The following CSN3 variants were observed in gnomAD, a reference collection of about 807,000 sequenced individuals.
CSN3 encodes casein kappa.
In CSN3, 7 loss-of-function variants were observed where a neutral mutation model predicts 9.9. That is an observed-to-expected ratio of 0.71 (90% CI 0.40 to 1.33). CSN3 has a LOEUF of 1.33. Among genes scored for constraint, CSN3 ranks in the 40% most tolerant of loss-of-function variants. CSN3 has a pLI of 0.01. For synonymous variants in CSN3, 88 were observed against 82.3 expected, an observed-to-expected ratio of 1.07 and a Z score of -0.37; for missense variants, 253 against 227.9, an observed-to-expected ratio of 1.11 and a Z score of -0.71.
intron 4 of CSN3, 60 bp downstream of exon 4, chr4:70,249,553 A>T (rs1235977690): frequency 2.0e-6 from 2 of 983,834 alleles, no homozygotes; most frequent in African/African-American, 3.3e-5. Context: ...TATGAATACA[A>T]CCATAAATTC....
rs1341427109 is a variant in CSN3, at chr4:70,247,222, G to C, written c.55-596G>C. Among the ~76,000 whole-genome samples the C allele has an allele frequency of 1.3e-5, 2 of 151,906 alleles. 1 individual carries two copies. The highest frequency in any genetic ancestry group is 3.9e-4 in the East Asian group (2 of 5,188). On this transcript the variant is annotated intron_variant, in intron 2 of 4. Coordinates refer to ENST00000304954, the Ensembl canonical transcript of CSN3. ...GTTTCTAAAAGCTTTGGAGTTTTTA[G>C]TTTTATAAATATGTGTCCATAAAAA...
At chr4:70,242,527 G>C (rs1334302050), upstream of CSN3, 4 of 149,326 alleles carry the variant, frequency 2.7e-5, no homozygotes, top group Non-Finnish European at 5.9e-5. Flanking sequence ...TGGGTAAAAA[G>C]TAGGAGGGAA....
intron 2 of CSN3, among the ~76,000 whole-genome samples, chr4:70,246,712 C>T (rs1445075145): frequency 6.9e-6 from 1 of 144,850 alleles, no homozygotes; most frequent in African/African-American, 2.5e-5. Flanking sequence ...CGCTTGGTCG[C>T]CCAGGTTGGA....
intron 3 of CSN3, 41 bp from the exon 4 acceptor site, chr4:70,248,957 T>C: frequency 7.2e-7 from 1 of 1,393,732 alleles, no homozygotes; most frequent in African/African-American, 1.5e-5. Context: ...CACATTTGGG[T>C]CTATAATAAT....
intron 2 of CSN3, among the ~76,000 whole-genome samples, 182 bp from the exon 3 acceptor site, chr4:70,247,636 T>TTG (rs1730405840): frequency 6.6e-6 from 1 of 152,164 alleles, no homozygotes; most frequent in Admixed American, 6.5e-5. Flanking sequence ...TACTAATCAG[T>TTG]TAGACTACTG....
chr4:70,240,289 C>A (rs1730247854), upstream of CSN3, among the ~76,000 whole-genome samples: 2 of 151,938 alleles, frequency 1.3e-5, no homozygotes, highest in African/African-American at 4.8e-5. Context: ...CCACAATAGC[C>A]TCTTACCCAG....
chr4:70,246,105 C>G (rs551427078), intron 2 of CSN3, among the ~76,000 whole-genome samples: 2 of 152,046 alleles, frequency 1.3e-5, no homozygotes, highest in Non-Finnish European at 1.5e-5. Context: ...ACCATTCAAT[C>G]TTATGAGTAG....
Position 70,249,501 on chromosome 4 carries a change from A to C in CSN3, c.*34+8A>C. On this transcript the variant is annotated splice_region_variant and intron_variant, in intron 4 of 4. Coordinates refer to ENST00000304954, the Ensembl canonical transcript of CSN3. The stretch of plus-strand genomic sequence containing the variant: ...TCAAAGAACACAACGCAGGTAAATT[A>C]ACAGTATATAAAATGAGTAATTCCG... The C allele has an allele frequency of 6.8e-7, 1 of 1,463,648 alleles. No individual in the cohort carries two copies. Among genetic ancestry groups the C allele is most frequent in the Non-Finnish European group, 9.5e-7 (1 of 1,056,020 alleles). 90.7% of individuals were successfully genotyped at this position (1,463,648 alleles called of 1,614,324 possible).
At chr4:70,241,171 T>C (rs1730263046), upstream of CSN3, among the ~76,000 whole-genome samples, 1 of 152,020 alleles carries the variant, frequency 6.6e-6, no homozygotes, top group African/African-American at 2.4e-5. Flanking sequence ...CGGATCATGA[T>C]CTTTCAACCA....
At chr4:70,250,225 A>G (rs1234946565) in intron 4 of CSN3, among the ~76,000 whole-genome samples, 1 of 152,228 alleles carries the variant, frequency 6.6e-6, no homozygotes, top group African/African-American at 2.4e-5. Flanking sequence ...TGATTAATAA[A>G]GTGGAAAATA....
At chr4:70,249,617 G>A (rs1730447260) in intron 4 of CSN3, 124 bp downstream of exon 4, 2 of 633,442 alleles carry the variant, frequency 3.2e-6, no homozygotes, top group Middle Eastern at 3.6e-4. Context: ...ACAAAACAGG[G>A]TACTTACAGT....
chr4:70,249,042 A>G (rs1353919397), exon 4 of CSN3: 1 of 1,612,222 alleles, frequency 6.2e-7, no homozygotes, highest in Non-Finnish European at 8.5e-7. Context: ...AAACAGCTCC[A>G]TATGTCCCAA....
exon 5 of CSN3, chr4:70,251,400 T>C (rs1730480789): frequency 6.6e-6 from 1 of 152,204 alleles, no homozygotes; most frequent in African/African-American, 2.4e-5. Flanking sequence ...ATATTTTGAT[T>C]CTTGCACAAT....
At chr4:70,249,529 A>G in intron 4 of CSN3, 36 bp downstream of exon 4, 1 of 1,179,316 alleles carries the variant, frequency 8.5e-7, no homozygotes, top group Non-Finnish European at 1.2e-6. Context: ...TAATTCCGAC[A>G]AGAAGCATGG....
At chr4:70,239,001 T>C (rs753819797), upstream of CSN3, among the ~76,000 whole-genome samples, 5 of 151,900 alleles carry the variant, frequency 3.3e-5, no homozygotes, top group African/African-American at 4.8e-5. Flanking sequence ...AGCTATTGGA[T>C]ACTTGAATCT....
At chr4:70,246,507 T>C (rs1399143449) in intron 2 of CSN3, among the ~76,000 whole-genome samples, 1 of 151,922 alleles carries the variant, frequency 6.6e-6, no homozygotes, top group East Asian at 1.9e-4. Context: ...CTATGAAACC[T>C]ATGATATAAA....
intron 1 of CSN3, among the ~76,000 whole-genome samples, chr4:70,243,763 T>A (rs1372680415): frequency 6.6e-6 from 1 of 152,050 alleles, no homozygotes; most frequent in East Asian, 1.9e-4. Context: ...AAAAATCAAA[T>A]AAGCAAGTAT....
At chr4:70,247,501 T>G (rs1041304770) in intron 2 of CSN3, among the ~76,000 whole-genome samples, 40 of 152,176 alleles carry the variant, frequency 2.6e-4, no homozygotes, top group African/African-American at 8.2e-4. Context: ...TAAATAGAAA[T>G]TATTCATATT....
chr4:70,239,725 T>G (rs1283795962), upstream of CSN3, among the ~76,000 whole-genome samples: 1 of 151,942 alleles, frequency 6.6e-6, no homozygotes, highest in Non-Finnish European at 1.5e-5. Context: ...CTCCCAAAAG[T>G]ACTTTGTTTC....
Sources: allele counts gnomAD v4.1 joint callset (sites outside exome capture counted in the v4.1 genomes callset), GRCh38; gene constraint gnomAD v4.1.1; transcripts MANE v1.5; gene names NCBI Gene and HGNC (gene_info 2026-07-23, HGNC 2026-07-21).